The following HAUS6 variants were observed in gnomAD, a reference collection of about 807,000 sequenced individuals.
HAUS6 encodes HAUS augmin-like complex subunit 6.
HAUS6 carries 80 observed loss-of-function variants against 106.8 expected under a neutral mutation model. The observed-to-expected ratio is 0.75, with a 90% CI of 0.63 to 0.90. The LOEUF (loss-of-function observed/expected upper bound fraction) is 0.90, where lower values mean the gene tolerates loss of function less well. Ranked by LOEUF, HAUS6 falls within the 40% of genes least tolerant of loss-of-function variation. The pLI is 0.00. For synonymous variants in HAUS6, 356 were observed against 379.1 expected (o/e 0.94, Z 0.71); for missense variants, 1,155 against 1,118.1 (o/e 1.03, Z -0.47).
At chr9:19,092,898 T>G (rs1257464259) in intron 4 of HAUS6, among the ~76,000 whole-genome samples, 1 of 145,464 alleles carries the variant, frequency 6.9e-6, no homozygotes, top group East Asian at 2.0e-4. Context: ...GCACTCCAGC[T>G]TGAGCGAAAC....
Position 19,083,005 on chromosome 9 carries a change from C to T in HAUS6, c.738G>A (p.Met246Ile), listed in dbSNP as rs756231765. Residue 246 changes from methionine (M) to isoleucine (I), a missense_variant, in exon 8 of 17, where the codon ATG becomes ATA. Coordinates refer to ENST00000380502, the MANE Select transcript of HAUS6 (RefSeq NM_017645.5). ...SLWASVNETL[M>I]FLEKEREVVS... is the part of the protein sequence containing the mutation. ...CAACTTCTCTCTCTTTTTCCAAAAA[C>T]ATGAGCGTTTCATTCACTGAAGCCC... The T allele has an allele frequency of 1.3e-6, 2 of 1,588,240 alleles. No individual in the cohort carries two copies. The highest frequency in any genetic ancestry group is 1.7e-6 in the Non-Finnish European group (2 of 1,170,490).
Position 19,080,601 on chromosome 9 carries a change from G to A in HAUS6, c.942C>T (p.Val314=), listed in dbSNP as rs71508773. 3.1e-6 allele frequency: 5 copies of A among 1,596,516 alleles called. No homozygotes were observed. The highest frequency in any genetic ancestry group is 2.2e-5 in the East Asian group (1 of 44,792). Residue 314 remains valine, a synonymous_variant, in exon 9 of 17, where the codon GTC becomes GTT. Transcript: ENST00000380502. ...AACGTTCATATTTCATCACCTTCAA[G>A]ACTTCATTTAATAACTGAATAACTG... ...LLTVIQLLNE[V]LKVMKYERCQ...
intron 5 of HAUS6, 53 bp downstream of exon 5, chr9:19,089,359 G>T: frequency 8.9e-7 from 1 of 1,127,872 alleles, no homozygotes; most frequent in Non-Finnish European, 1.3e-6. Context: ...TTATATTGGT[G>T]ACATCTGTTC....
In HAUS6 at chr9:19,078,298, T is replaced by C. The variant is rs1197984358; in HGVS notation, c.1069A>G (p.Arg357Gly). Residue 357 changes from arginine (R) to glycine (G), a missense_variant, in exon 10 of 17, where the codon AGA becomes GGA. Physicochemically the swap from Arg to Gly is moderately radical, Grantham distance 125. Coordinates refer to ENST00000380502, the MANE Select transcript of HAUS6 (RefSeq NM_017645.5). The part of the protein sequence containing the change: ...RLSDLKHMRY[R>G]IKDDLTTIRH... ...ATAGTTGTGAGATCATCTTTTATTCTATACCTATAATAGCATAAAAAAACT... is the reference window on the plus strand; with the variant it reads ...ATAGTTGTGAGATCATCTTTTATTCCATACCTATAATAGCATAAAAAAACT... The C allele has an allele frequency of 2.0e-6, 3 of 1,469,268 alleles. No homozygotes were observed. The highest frequency in any genetic ancestry group is 2.9e-6 in the Non-Finnish European group (3 of 1,050,998). The allele number at this position is 1,469,268 out of a possible 1,614,324, so 91.0% of individuals were successfully genotyped here.
Position 19,102,683 on chromosome 9 carries a change from G to T in HAUS6, c.-32C>A, listed in dbSNP as rs538293004. 2 of 1,602,878 alleles carry T rather than the reference G, an allele frequency of 1.2e-6. No homozygotes were observed. The highest frequency in any genetic ancestry group is 1.3e-5 in the African/African-American group (1 of 74,684). Reference sequence around the variant, plus strand: ...GGTAGGCACGGTGGCTGCAAAGAAAGAAAGCGCAAGCCCAGGGGACTCGGA... The same window carrying T: ...GGTAGGCACGGTGGCTGCAAAGAAATAAAGCGCAAGCCCAGGGGACTCGGA... On this transcript the variant is annotated 5_prime_UTR_variant, in exon 1 of 17. Coordinates refer to ENST00000380502, the MANE Select transcript of HAUS6 (RefSeq NM_017645.5).
At position 19,063,043 on chromosome 9, in the gene HAUS6, G is replaced by T. The variant is rs755140796; in HGVS notation, c.1594C>A (p.Pro532Thr). The T allele has an allele frequency of 1.9e-6, 3 of 1,610,892 alleles. No homozygotes were observed. The highest frequency in any genetic ancestry group is 3.3e-5 in the Admixed American group (2 of 59,858). Residue 532 changes from proline (P) to threonine (T), a missense_variant, in exon 14 of 17, where the codon CCA (proline) becomes ACA (threonine). Pro to Thr is a conservative substitution (Grantham distance 38). Around this residue, in one of 3 missense-constraint regions of HAUS6, gnomAD observed 761 missense variants for 690.0 expected, o/e 1.10. Transcript: ENST00000380502. Reference sequence around the variant, plus strand: ...AGATGATCTTGCTCTTTTTGAAATGGATCACTTTTTTTAGCTGGCAAAGAC... The same window carrying T: ...AGATGATCTTGCTCTTTTTGAAATGTATCACTTTTTTTAGCTGGCAAAGAC... Reference protein sequence around the residue: ...GGSLPAKKSDPFQKEQDHLVE... With the variant: ...GGSLPAKKSDTFQKEQDHLVE...
intron 14 of HAUS6, 122 bp downstream of exon 14, chr9:19,062,886 G>C (rs1044456184): frequency 2.3e-5 from 17 of 753,716 alleles, no homozygotes; most frequent in Non-Finnish European, 2.7e-5. Context: ...TGCTGGTCTC[G>C]AACTTCTGGG....
At chr9:19,072,328 C>T (rs1222853596) in intron 11 of HAUS6, among the ~76,000 whole-genome samples, 1 of 152,080 alleles carries the variant, frequency 6.6e-6, no homozygotes, top group African/African-American at 2.4e-5. Context: ...ACCTGTTCAA[C>T]ATGGTGAAAC....
chr9:19,085,004 T>G (rs1837256643), intron 7 of HAUS6, among the ~76,000 whole-genome samples: 1 of 151,452 alleles, frequency 6.6e-6, no homozygotes, highest in Non-Finnish European at 1.5e-5. Flanking sequence ...CAGAGCACAC[T>G]GCAGCCTTGA....
Position 19,064,541 on chromosome 9 carries a change from T to TA in HAUS6, c.1377-962dup, listed in dbSNP as rs576701323. The stretch of plus-strand genomic sequence containing the variant: ...AATGGTAACTTTTTTACTTTGGTCT[T>TA]AAAAACCTTTAAAAGTTAAAAGCCT... On this transcript the variant is annotated intron_variant, in intron 12 of 16. Transcript: ENST00000380502. Among the ~76,000 whole-genome samples the TA allele has an allele frequency of 1.4e-3, 207 of 152,332 alleles. 2 individuals carry two copies. The highest frequency in any genetic ancestry group is 2.5e-4 in the Non-Finnish European group (17 of 68,026).
chr9:19,089,445 T>C lies in HAUS6; in HGVS notation c.551A>G (p.Asp184Gly). The C allele has an allele frequency of 1.2e-6, 2 of 1,611,598 alleles. No individual in the cohort carries two copies. Among genetic ancestry groups the C allele is most frequent in the Non-Finnish European group, 1.7e-6 (2 of 1,177,750 alleles). ...TTCCTGATATTTTTGGGTAACACAA[T>C]CTTGTCTTTGCAAAATTTGTAAAAA... ...SRFLQILQRQDCVTQKYQENA... is the reference protein window; with the variant it reads ...SRFLQILQRQGCVTQKYQENA... The change falls in exon 5 of 17, where the codon GAT (aspartate) becomes GGT (glycine). Residue 184 changes from aspartate to glycine, a missense_variant. This residue lies in a region of HAUS6 where 761 missense variants were observed against 690.0 expected (regional missense o/e 1.10). Transcript: ENST00000380502.
rs556713100 is a variant in HAUS6, at chr9:19,076,801, A to G, written c.1192-97T>C. On this transcript the variant is annotated intron_variant, in intron 10 of 16. Coordinates refer to ENST00000380502, the MANE Select transcript of HAUS6 (RefSeq NM_017645.5). ...TCTATGAATAGATTATCTTCTCAAT[A>G]AGAAAGTCAGAATTACCAAGAATGT... 274 of 644,528 alleles carry G rather than the reference A, an allele frequency of 4.3e-4. 4 individuals carry two copies. The South Asian group carries it at 5.0e-3, about 12-fold the overall frequency. The allele number at this position is 644,528 out of a possible 1,614,324, so 39.9% of individuals were successfully genotyped here. A position where few individuals can be genotyped will look rare whatever the true frequency, so the allele number is the denominator to read the frequency against.
intron 12 of HAUS6, chr9:19,063,860 T>C: frequency 1.7e-6 from 1 of 586,026 alleles, no homozygotes; most frequent in Non-Finnish European, 3.2e-6. Flanking sequence ...ACTTAATGAA[T>C]ACTCCACAAC....
intron 12 of HAUS6, among the ~76,000 whole-genome samples, chr9:19,068,375 C>G (rs1836811305): frequency 6.6e-6 from 1 of 152,124 alleles, no homozygotes; most frequent in Non-Finnish European, 1.5e-5. Flanking sequence ...AACTAGATTA[C>G]AGGTCCTCAG....
At chr9:19,078,622 T>C (rs1837064897) in intron 9 of HAUS6, among the ~76,000 whole-genome samples, 1 of 151,032 alleles carries the variant, frequency 6.6e-6, no homozygotes, top group African/African-American at 2.4e-5. Flanking sequence ...ACCTCATCTC[T>C]ATGAAAAATA....
intron 7 of HAUS6, among the ~76,000 whole-genome samples, chr9:19,084,628 CTTT>C (rs1411324062): frequency 2.1e-5 from 3 of 145,410 alleles, no homozygotes; most frequent in African/African-American, 2.6e-5. Context: ...CACTTTTTTT[CTTT>C]TTTCTTTTTT....
chr9:19,071,436 G>A (rs1200756717), intron 11 of HAUS6, among the ~76,000 whole-genome samples: 1 of 152,052 alleles, frequency 6.6e-6, no homozygotes, highest in Non-Finnish European at 1.5e-5. Flanking sequence ...AAGAGATATT[G>A]GTGAATAAGT....
chr9:19,075,593 C>T (rs1176886835), intron 11 of HAUS6, among the ~76,000 whole-genome samples: 2 of 152,050 alleles, frequency 1.3e-5, no homozygotes, highest in African/African-American at 4.8e-5. Context: ...CCAGAAACAA[C>T]AGGACTCATA....
chr9:19,090,743 T>A (rs1229216447), intron 4 of HAUS6, among the ~76,000 whole-genome samples: 1 of 152,240 alleles, frequency 6.6e-6, no homozygotes, highest in Non-Finnish European at 1.5e-5. Flanking sequence ...GCCATCAGTT[T>A]ACTTTTCCTC....
Sources: allele counts gnomAD v4.1 joint callset (sites outside exome capture counted in the v4.1 genomes callset), GRCh38; gene constraint gnomAD v4.1.1; regional missense constraint gnomAD v4.1.1; transcripts MANE v1.5; gene names NCBI Gene and HGNC (gene_info 2026-07-23, HGNC 2026-07-21).